Variants in SLC1A1 observed in about 807,000 individuals in gnomAD.
SLC1A1 encodes excitatory amino acid transporter 3.
SLC1A1 carries 43 observed loss-of-function variants against 53.3 expected under a neutral mutation model. The ratio of observed to expected loss-of-function variants is 0.81; its 90% confidence interval spans 0.63 to 1.04. SLC1A1 has a LOEUF of 1.04. Ranked by LOEUF, SLC1A1 falls within the 50% of genes least tolerant of loss-of-function variation. The pLI is 0.00. For synonymous variants in SLC1A1, 307 were observed against 243.2 expected, an observed-to-expected ratio of 1.26 and a Z score of -2.44; for missense variants, 748 against 664.9, an observed-to-expected ratio of 1.12 and a Z score of -1.37.
At chr9:4,530,349 C>T (rs934423004) in intron 1 of SLC1A1, among the ~76,000 whole-genome samples, 1 of 152,164 alleles carries the variant, frequency 6.6e-6, no homozygotes, top group African/African-American at 2.4e-5. Flanking sequence ...TAAGTGTACT[C>T]AGTATGTTAA....
At chr9:4,528,254 G>A (rs751238414) in intron 1 of SLC1A1, among the ~76,000 whole-genome samples, 6 of 151,134 alleles carry the variant, frequency 4.0e-5, no homozygotes, top group Non-Finnish European at 8.9e-5. Flanking sequence ...AAATCTTGGA[G>A]GACTGGAGTT....
In SLC1A1 at chr9:4,517,635, A is replaced by G. The variant is rs545329544; in HGVS notation, c.91+26865A>G. Reference sequence around the variant, plus strand: ...GACAGCCAGGAGGAAGTTTGCTTGCAGAGGTATGTGGGCTGAGCTCACAAA... The same window carrying G: ...GACAGCCAGGAGGAAGTTTGCTTGCGGAGGTATGTGGGCTGAGCTCACAAA... On this transcript the variant is annotated intron_variant, in intron 1 of 11. Coordinates refer to ENST00000262352, the MANE Select transcript of SLC1A1 (RefSeq NM_004170.6). Among the ~76,000 whole-genome samples, 4 of 152,344 alleles carry G rather than the reference A, an allele frequency of 2.6e-5. No individual in the cohort carries two copies. In the East Asian group the frequency reaches 7.7e-4, roughly 29 times the overall value.
chr9:4,523,915 T>C (rs964988414), intron 1 of SLC1A1, among the ~76,000 whole-genome samples: 11 of 152,330 alleles, frequency 7.2e-5, no homozygotes, highest in African/African-American at 2.6e-4. Context: ...AGGCCAAGAT[T>C]TGAACAGTCT....
intron 3 of SLC1A1, among the ~76,000 whole-genome samples, chr9:4,561,766 C>G (rs1270765060): frequency 6.6e-6 from 1 of 152,132 alleles, no homozygotes; most frequent in African/African-American, 2.4e-5. Flanking sequence ...TAACATGCGC[C>G]TGTAGTCCCA....
chr9:4,536,509 G>C (rs1273486454), intron 1 of SLC1A1, among the ~76,000 whole-genome samples: 1 of 152,176 alleles, frequency 6.6e-6, no homozygotes, highest in African/African-American at 2.4e-5. Flanking sequence ...TCTCACACCA[G>C]TTAGAATGGC....
chr9:4,496,996 G>A (rs1205652639), intron 1 of SLC1A1, among the ~76,000 whole-genome samples: 3 of 152,140 alleles, frequency 2.0e-5, no homozygotes, highest in East Asian at 3.9e-4. Flanking sequence ...GAAATGGAGG[G>A]ACCTAGTTGG....
At chr9:4,538,633 A>G (rs758598872) in intron 1 of SLC1A1, among the ~76,000 whole-genome samples, 3 of 152,222 alleles carry the variant, frequency 2.0e-5, no homozygotes, top group Non-Finnish European at 4.4e-5. Context: ...CAGAGCTGCT[A>G]TAATATATTG....
At chr9:4,537,747 T>C (rs927650680) in intron 1 of SLC1A1, among the ~76,000 whole-genome samples, 1 of 152,000 alleles carries the variant, frequency 6.6e-6, no homozygotes, top group Non-Finnish European at 1.5e-5. Context: ...AAAAGTAGAT[T>C]AGTGGTTACC....
At chr9:4,541,551 C>T (rs376135042) in intron 1 of SLC1A1, among the ~76,000 whole-genome samples, 49 of 152,270 alleles carry the variant, frequency 3.2e-4, no homozygotes, top group East Asian at 1.9e-3. Flanking sequence ...AAGATCCATA[C>T]TTAGAGAGAA....
intron 2 of SLC1A1, among the ~76,000 whole-genome samples, chr9:4,550,019 G>A (rs1188156640): frequency 1.3e-5 from 2 of 152,152 alleles, no homozygotes; most frequent in Admixed American, 1.3e-4. Context: ...CTCAGTGGAT[G>A]TCAAGCCAAG....
Position 4,549,162 on chromosome 9 carries a change from G to A in SLC1A1, c.232+4455G>A, listed in dbSNP as rs1045660744. Among the ~76,000 whole-genome samples the A allele has an allele frequency of 6.6e-6, 1 of 152,108 alleles. No homozygotes were observed. Among genetic ancestry groups the A allele is most frequent in the African/African-American group, 2.4e-5 (1 of 41,404 alleles). On this transcript the variant is annotated intron_variant, in intron 2 of 11. Transcript: ENST00000262352. This position sits in a 1 kb window ranked among gnomAD's most constrained non-coding sequence, Gnocchi z 4.1. Reference sequence around the variant, plus strand: ...CAGCACCTCCAGTCCCGCTCCCAGAGGTCCCCTGAGCATCCTTCCCGGATG... The same window carrying A: ...CAGCACCTCCAGTCCCGCTCCCAGAAGTCCCCTGAGCATCCTTCCCGGATG...
At chr9:4,576,544 G>A in intron 9 of SLC1A1, 25 bp from the exon 10 acceptor site, 1 of 1,603,496 alleles carries the variant, frequency 6.2e-7, no homozygotes, top group Non-Finnish European at 8.5e-7. Context: ...CTAGACATAA[G>A]TTCCTTTCTA....
chr9:4,526,078 A>G (rs577389945), intron 1 of SLC1A1, among the ~76,000 whole-genome samples: 1 of 152,320 alleles, frequency 6.6e-6, no homozygotes, highest in Non-Finnish European at 1.5e-5. Flanking sequence ...TGAGGCCAAG[A>G]GTTTGAGACC....
chr9:4,528,599 G>T (rs954923737), intron 1 of SLC1A1, among the ~76,000 whole-genome samples: 1 of 152,030 alleles, frequency 6.6e-6, no homozygotes, highest in African/African-American at 2.4e-5. Flanking sequence ...ACAAAAAAAT[G>T]CAAGTTAGAT....
chr9:4,523,707 T>C (rs1382324431), intron 1 of SLC1A1, among the ~76,000 whole-genome samples: 1 of 152,256 alleles, frequency 6.6e-6, no homozygotes, highest in Non-Finnish European at 1.5e-5. Context: ...CCTACAATAA[T>C]AGCTAACATG....
Position 4,582,276 on chromosome 9 carries a change from G to A in SLC1A1, c.1194-762G>A, listed in dbSNP as rs1455204947. Reference sequence around the variant, plus strand: ...ATCTTTTTAAATACCTGGTAATAAAGTTCACCTGGCTGCCCCTCCTGGATT... The same window carrying A: ...ATCTTTTTAAATACCTGGTAATAAAATTCACCTGGCTGCCCCTCCTGGATT... On this transcript the variant is annotated intron_variant, in intron 10 of 11. Coordinates refer to ENST00000262352, the MANE Select transcript of SLC1A1 (RefSeq NM_004170.6). 2.6e-5 allele frequency among the ~76,000 whole-genome samples: 4 copies of A among 152,168 alleles called. No homozygotes were observed. In the East Asian group the frequency reaches 7.7e-4, roughly 29 times the overall value.
At chr9:4,582,951 G>A (rs912405643) in intron 10 of SLC1A1, 87 bp from the exon 11 acceptor site, 2 of 1,538,654 alleles carry the variant, frequency 1.3e-6, no homozygotes, top group African/African-American at 1.4e-5. Flanking sequence ...ATAGCCATCG[G>A]GACTAAGCGG....
intron 1 of SLC1A1, among the ~76,000 whole-genome samples, chr9:4,494,780 T>G (rs1271858986): frequency 6.6e-6 from 1 of 152,150 alleles, no homozygotes; most frequent in East Asian, 1.9e-4. Flanking sequence ...GGTCATCCAA[T>G]AATGATTATA....
At chr9:4,495,463 A>T (rs1215944403) in intron 1 of SLC1A1, among the ~76,000 whole-genome samples, 1 of 152,122 alleles carries the variant, frequency 6.6e-6, no homozygotes, top group African/African-American at 2.4e-5. Context: ...GTTAGATGAG[A>T]ATAGTGTTCT....
Sources: allele counts gnomAD v4.1 joint callset (sites outside exome capture counted in the v4.1 genomes callset), GRCh38; gene constraint gnomAD v4.1.1; non-coding constraint Gnocchi (gnomAD v3.1); transcripts MANE v1.5; gene names NCBI Gene and HGNC (gene_info 2026-07-23, HGNC 2026-07-21).